Variants in UNKL observed in about 807,000 individuals in gnomAD.
The protein encoded by UNKL is putative E3 ubiquitin-protein ligase UNKL.
Under a neutral mutation model 78.0 loss-of-function variants are expected in UNKL, and 60 were observed. That is an observed-to-expected ratio of 0.77 (90% CI 0.63 to 0.95). The LOEUF (loss-of-function observed/expected upper bound fraction) is 0.95, where lower values mean the gene tolerates loss of function less well. Among genes scored for constraint, UNKL ranks in the 40% least tolerant of loss-of-function variants. The probability of loss-of-function intolerance (pLI) is 0.00; values close to 1 mark genes in which losing one functional copy is unlikely to be tolerated. For synonymous variants in UNKL, 608 were observed against 474.8 expected, an observed-to-expected ratio of 1.28 and a Z score of -3.65; for missense variants, 1,159 against 1,045.7, an observed-to-expected ratio of 1.11 and a Z score of -1.49.
chr16:1,391,350 G>A (rs192857855), intron 8 of UNKL, among the ~76,000 whole-genome samples: 21 of 152,136 alleles, frequency 1.4e-4, no homozygotes, highest in African/African-American at 4.6e-4. Flanking sequence ...ACAGGATCTC[G>A]CTCTGTCTCC....
intron 10 of UNKL, among the ~76,000 whole-genome samples, chr16:1,374,789 G>A (rs1412758448): frequency 6.6e-6 from 1 of 152,200 alleles, no homozygotes; most frequent in East Asian, 1.9e-4. Flanking sequence ...CCAAAAAACA[G>A]CTGGAGAAAC....
chr16:1,376,204 C>G (rs576633137), intron 10 of UNKL, among the ~76,000 whole-genome samples: 14 of 136,272 alleles, frequency 1.0e-4, no homozygotes, highest in Admixed American at 2.9e-4. Context: ...TCCTCCCTCA[C>G]TCCAAGGCTG....
rs376477531 is a variant in UNKL at position 1,401,710 on chromosome 16, C to G, written c.465-9G>C. On this transcript the variant is annotated splice_polypyrimidine_tract_variant and intron_variant, in intron 3 of 14. Transcript: ENST00000389221. The stretch of plus-strand genomic sequence containing the variant: ...CCTGGGCCTGCAGCTCCCTGCAAGC[C>G]GAGGACACAGTGGTCACAGCTCTGC... The G allele has an allele frequency of 6.2e-7, 1 of 1,605,468 alleles. No individual in the cohort carries two copies. The highest frequency in any genetic ancestry group is 8.5e-7 in the Non-Finnish European group (1 of 1,177,204).
chr16:1,392,478 A>G (rs1261938100), intron 8 of UNKL, among the ~76,000 whole-genome samples: 3 of 151,678 alleles, frequency 2.0e-5, no homozygotes, highest in Non-Finnish European at 2.9e-5. Flanking sequence ...TCTGTCACCC[A>G]GACTGAAGTG....
At chr16:1,375,311 G>T (rs564490726) in intron 10 of UNKL, among the ~76,000 whole-genome samples, 1 of 152,200 alleles carries the variant, frequency 6.6e-6, no homozygotes, top group Non-Finnish European at 1.5e-5. Flanking sequence ...AGCGGCAGGC[G>T]GGAGAGAAGC....
At chr16:1,394,392 T>A (rs1365745808) in intron 6 of UNKL, 177 bp from the exon 7 acceptor site, 1 of 766,860 alleles carries the variant, frequency 1.3e-6, no homozygotes, top group Non-Finnish European at 2.3e-6. Context: ...ACATCCCTCC[T>A]CTCTGCAGAG....
At position 1,387,976 on chromosome 16, in the gene UNKL, T is replaced by C. The variant is rs1406712176; in HGVS notation, c.1087-2591A>G. Among the ~76,000 whole-genome samples the C allele has an allele frequency of 6.6e-6, 1 of 152,082 alleles. No homozygotes were observed. Among genetic ancestry groups the C allele is most frequent in the Non-Finnish European group, 1.5e-5 (1 of 67,992 alleles). ...CCACCGCCCGGGTCACAGTCACCCC[T>C]GTGGATGTCCTCTCAGCTCCATGAC... On this transcript the variant is annotated intron_variant, in intron 9 of 14. Coordinates refer to ENST00000389221, the MANE Select transcript of UNKL (RefSeq NM_001372107.1). This position sits in a 1 kb window ranked among gnomAD's most constrained non-coding sequence, Gnocchi z 4.1.
rs1449186734 is a variant in UNKL, at chr16:1,400,347, G to A, written c.599-838C>T. Among the ~76,000 whole-genome samples the A allele has an allele frequency of 2.2e-5, 3 of 136,904 alleles. No homozygotes were observed. In the Admixed American group the frequency reaches 2.5e-4, roughly 12 times the overall value. The allele number at this position is 136,904 out of a possible 152,430, so 89.8% of individuals were successfully genotyped here. ...GCAGGAGAATTGCTTGAACCTGGCA[G>A]GCGGAGGTTGCAGTGAGCTGAGATT... On this transcript the variant is annotated intron_variant, in intron 4 of 14. Transcript: ENST00000389221.
rs1169324974 is a variant in UNKL at position 1,363,402 on chromosome 16, C to T, written c.*2838G>A. 2.6e-6 allele frequency: 1 copy of T among 389,862 alleles called. No individual in the cohort carries two copies. The highest frequency in any genetic ancestry group is 4.9e-6 in the Non-Finnish European group (1 of 205,256). The allele number at this position is 389,862 out of a possible 1,614,324, so 24.2% of individuals were successfully genotyped here. A position where few individuals can be genotyped will look rare whatever the true frequency, so the allele number is the denominator to read the frequency against. ...CAAATAACATTCTCATGTAAATACTCAAACATACAGATTGAGGCTTCCAGA... is the reference window on the plus strand; with the variant it reads ...CAAATAACATTCTCATGTAAATACTTAAACATACAGATTGAGGCTTCCAGA... On this transcript the variant is annotated 3_prime_UTR_variant, in exon 15 of 15. Coordinates refer to ENST00000389221, the MANE Select transcript of UNKL (RefSeq NM_001372107.1).
rs1230532475 is a variant in UNKL, at chr16:1,387,845, G to A, written c.1087-2460C>T. Among the ~76,000 whole-genome samples the A allele has an allele frequency of 3.3e-5, 4 of 122,870 alleles. No individual in the cohort carries two copies. The highest frequency in any genetic ancestry group is 6.4e-5 in the Non-Finnish European group (4 of 62,164). 80.6% of individuals were successfully genotyped at this position (122,870 alleles called of 152,430 possible). A position where few individuals can be genotyped will look rare whatever the true frequency, so the allele number is the denominator to read the frequency against. The stretch of plus-strand genomic sequence containing the variant: ...CTCTTGGCAGCCCACCCTGTGTCCC[G>A]GGGTCTGCCCAGGTCCGTGCTCTGG... On this transcript the variant is annotated intron_variant, in intron 9 of 14. Coordinates refer to ENST00000389221, the MANE Select transcript of UNKL (RefSeq NM_001372107.1). The surrounding 1 kb of genome is among the most constrained non-coding windows in gnomAD (Gnocchi z 4.1).
chr16:1,397,035 TCCA>T, intron 6 of UNKL, 140 bp downstream of exon 6: 1 of 854,592 alleles, frequency 1.2e-6, no homozygotes, highest in Non-Finnish European at 1.8e-6. Context: ...CCCTCATGCC[TCCA>T]CCCCCAGGCT....
At chr16:1,378,919 T>C (rs1218277369) in intron 10 of UNKL, 1 of 152,404 alleles carries the variant, frequency 6.6e-6, no homozygotes, top group Non-Finnish European at 1.5e-5. Flanking sequence ...CTCACCTCAC[T>C]GTTTCAAGGT....
At chr16:1,404,054 G>A (rs926286598) in intron 2 of UNKL, among the ~76,000 whole-genome samples, 1 of 152,178 alleles carries the variant, frequency 6.6e-6, no homozygotes, top group Non-Finnish European at 1.5e-5. Flanking sequence ...AGCAGCGACG[G>A]AGACAAGGAG....
chr16:1,406,078 G>A (rs747168189), intron 2 of UNKL: 112 of 456,686 alleles, frequency 2.5e-4, no homozygotes, highest in South Asian at 1.5e-3. Flanking sequence ...GAGAACCACC[G>A]GGCTTAGGAG....
intron 9 of UNKL, among the ~76,000 whole-genome samples, 195 bp downstream of exon 9, chr16:1,390,437 C>T (rs994057691): frequency 6.6e-6 from 1 of 152,220 alleles, no homozygotes; most frequent in African/African-American, 2.4e-5. Context: ...AACAGACAAA[C>T]ACGGGGGTAC....
In UNKL at chr16:1,387,171, C is replaced by T. The variant is rs1040509353; in HGVS notation, c.1087-1786G>A. 2.6e-5 allele frequency among the ~76,000 whole-genome samples: 4 copies of T among 151,556 alleles called. No homozygotes were observed. Among genetic ancestry groups the T allele is most frequent in the Admixed American group, 1.3e-4 (2 of 15,220 alleles). ...GGGGACCCTCCCAGCCATGCAGCAC[C>T]GGGGACCCTCCCAGCCATGCAACAC... On this transcript the variant is annotated intron_variant, in intron 9 of 14. Coordinates refer to ENST00000389221, the MANE Select transcript of UNKL (RefSeq NM_001372107.1). The surrounding 1 kb of genome is among the most constrained non-coding windows in gnomAD (Gnocchi z 4.1).
rs1270133326 is a variant in UNKL, at chr16:1,370,275, A to G, written c.1440T>C (p.Ser480=). The change falls in exon 12 of 15, where the codon TCT becomes TCC. Residue 480 remains serine (S), a synonymous_variant. Coordinates refer to ENST00000389221, the MANE Select transcript of UNKL (RefSeq NM_001372107.1). ...GCGAACCGAGCGGCGAGGTGGACGCAGAGGATGGCGAGTGTAGCGATGGTG... is the reference window on the plus strand; with the variant it reads ...GCGAACCGAGCGGCGAGGTGGACGCGGAGGATGGCGAGTGTAGCGATGGTG... The part of the protein sequence containing the change: ...PRAPSLHSPS[S]ASTSPLGSLS... 4 of 1,534,196 alleles carry G rather than the reference A, an allele frequency of 2.6e-6. No homozygotes were observed. Among genetic ancestry groups the G allele is most frequent in the Non-Finnish European group, 3.5e-6 (4 of 1,144,980 alleles).
chr16:1,404,171 G>A (rs1473527614), intron 2 of UNKL, among the ~76,000 whole-genome samples: 2 of 152,172 alleles, frequency 1.3e-5, no homozygotes, highest in African/African-American at 4.8e-5. Context: ...GTCGAGCCCT[G>A]GCTGGTCACA....
At chr16:1,402,382 G>A (rs964583800) in intron 3 of UNKL, among the ~76,000 whole-genome samples, 6 of 152,238 alleles carry the variant, frequency 3.9e-5, no homozygotes, top group Non-Finnish European at 7.3e-5. Flanking sequence ...ACATCCAGAG[G>A]CCAGGTGCAG....
Sources: allele counts gnomAD v4.1 joint callset (sites outside exome capture counted in the v4.1 genomes callset), GRCh38; gene constraint gnomAD v4.1.1; non-coding constraint Gnocchi (gnomAD v3.1); transcripts MANE v1.5; gene names NCBI Gene and HGNC (gene_info 2026-07-23, HGNC 2026-07-21).